GAB4: variants seen among roughly 807,000 people sequenced by gnomAD.
GAB4 encodes the protein GRB2-associated-binding protein 4.
Under a neutral mutation model 51.3 loss-of-function variants are expected in GAB4, and 26 were observed. That is an observed-to-expected ratio of 0.51 (90% CI 0.37 to 0.70). The LOEUF (loss-of-function observed/expected upper bound fraction) is 0.70, where lower values mean the gene tolerates loss of function less well. Among genes scored for constraint, GAB4 ranks in the 30% least tolerant of loss-of-function variants. GAB4 has a pLI of 0.00. For missense variants in GAB4, 759 were observed against 734.6 expected, an observed-to-expected ratio of 1.03 and a Z score of -0.38; for synonymous variants, 329 against 291.2, an observed-to-expected ratio of 1.13 and a Z score of -1.32.
chr22:17,000,967 T>C (rs1433202246), intron 1 of GAB4, among the ~76,000 whole-genome samples: 1 of 152,188 alleles, frequency 6.6e-6, no homozygotes, highest in Admixed American at 6.5e-5. Context: ...AATATTGGCC[T>C]CCACTCTCTT....
chr22:16,980,892 C>A (rs912422813), intron 3 of GAB4, among the ~76,000 whole-genome samples: 1 of 152,086 alleles, frequency 6.6e-6, no homozygotes, highest in African/African-American at 2.4e-5. Context: ...TCATTGTCAG[C>A]AAACTTACCC....
At chr22:17,007,498 T>C (rs918263204) in intron 1 of GAB4, among the ~76,000 whole-genome samples, 2 of 147,158 alleles carry the variant, frequency 1.4e-5, no homozygotes, top group African/African-American at 2.5e-5. Context: ...GGTGCCTGCC[T>C]TCTCGGGGCT....
At chr22:16,990,301 C>G (rs2060903557) in intron 2 of GAB4, among the ~76,000 whole-genome samples, 2 of 152,312 alleles carry the variant, frequency 1.3e-5, no homozygotes, top group South Asian at 4.1e-4. Context: ...TCTCATCACC[C>G]CATACATTCA....
intron 1 of GAB4, among the ~76,000 whole-genome samples, chr22:16,993,219 G>A (rs986108791): frequency 2.0e-5 from 3 of 152,170 alleles, no homozygotes; most frequent in Admixed American, 2.0e-4. Flanking sequence ...AACTGTGGAT[G>A]AGTCTATGCT....
chr22:17,002,565 A>G (rs1364477308), intron 1 of GAB4, among the ~76,000 whole-genome samples: 1 of 152,120 alleles, frequency 6.6e-6, no homozygotes, highest in Non-Finnish European at 1.5e-5. Flanking sequence ...TCATAATGAC[A>G]GGATCAAATT....
chr22:17,008,039 G>C lies in GAB4; in HGVS notation c.76C>G (p.Pro26Ala). ...DPAFAPLSSW[P>A]GSGPAGGSTR... ...CTTCCGCCGGCGGGGCCACTTCCGG[G>C]CCACGAAGACAAAGGCGCAAATGCC... The change falls in exon 1 of 10, where the codon CCC (proline) becomes GCC (alanine). Residue 26 changes from proline (P) to alanine (A), a missense_variant. Transcript: ENST00000400588. 1.2e-6 allele frequency: 2 copies of C among 1,608,872 alleles called. No homozygotes were observed. The highest frequency in any genetic ancestry group is 2.2e-5 in the South Asian group (2 of 89,948).
chr22:16,993,206 G>A (rs1222329413), intron 1 of GAB4, among the ~76,000 whole-genome samples: 1 of 152,196 alleles, frequency 6.6e-6, no homozygotes, highest in Non-Finnish European at 1.5e-5. Context: ...ACCCATGGTA[G>A]AGAACTGTGG....
In GAB4 at chr22:16,969,655, G is replaced by A. The variant is rs112931179; in HGVS notation, c.937+288C>T. On this transcript the variant is annotated intron_variant, in intron 4 of 9. Coordinates refer to ENST00000400588, the MANE Select transcript of GAB4 (RefSeq NM_001037814.1). The stretch of plus-strand genomic sequence containing the variant: ...TTGTCTACTGCAGGAAGGGTATTCC[G>A]CCTGGGGATGGCAGCAGCAACAGAC... 2,536 of 645,204 alleles carry A rather than the reference G, an allele frequency of 3.9e-3. 57 individuals are homozygous for A. The highest frequency in any genetic ancestry group is 0.038 in the African/African-American group (2,127 of 55,592). 40.0% of individuals were successfully genotyped at this position (645,204 alleles called of 1,614,324 possible).
intron 2 of GAB4, among the ~76,000 whole-genome samples, chr22:16,989,688 C>T (rs1271526372): frequency 2.0e-5 from 3 of 152,186 alleles, no homozygotes; most frequent in Non-Finnish European, 4.4e-5. Context: ...AGCCACGGCA[C>T]CAAGGATGAA....
intron 3 of GAB4, among the ~76,000 whole-genome samples, chr22:16,974,194 C>T (rs1024420692): frequency 1.3e-5 from 2 of 152,188 alleles, no homozygotes; most frequent in African/African-American, 2.4e-5. Flanking sequence ...ACTATGATGT[C>T]CTGCATTGCT....
chr22:16,970,319 TG>T, intron 3 of GAB4, 126 bp from the exon 4 acceptor site: 1 of 1,033,148 alleles, frequency 9.7e-7, no homozygotes, highest in South Asian at 1.6e-5. Flanking sequence ...GAAGAGGAAT[TG>T]GGCAGACCTG....
intron 1 of GAB4, among the ~76,000 whole-genome samples, chr22:16,998,273 A>T (rs567784007): frequency 6.6e-6 from 1 of 152,306 alleles, no homozygotes; most frequent in South Asian, 2.1e-4. Context: ...CTTCCTACCC[A>T]TGAGCATGGA....
At chr22:16,984,868 T>C (rs1176628910) in intron 3 of GAB4, among the ~76,000 whole-genome samples, 1 of 152,198 alleles carries the variant, frequency 6.6e-6, no homozygotes, top group Non-Finnish European at 1.5e-5. Flanking sequence ...TCTTTCCTGG[T>C]TCCTCTACCT....
At chr22:16,985,862 G>T (rs1358840567) in intron 3 of GAB4, among the ~76,000 whole-genome samples, 1 of 152,212 alleles carries the variant, frequency 6.6e-6, no homozygotes, top group Non-Finnish European at 1.5e-5. Flanking sequence ...GCCCTGCCTT[G>T]TGTCCTCAGA....
At chr22:16,983,316 C>T (rs972254795) in intron 3 of GAB4, among the ~76,000 whole-genome samples, 3 of 152,150 alleles carry the variant, frequency 2.0e-5, no homozygotes, top group African/African-American at 4.8e-5. Flanking sequence ...TTTCTCATTC[C>T]TTTCACTCCA....
intron 1 of GAB4, among the ~76,000 whole-genome samples, chr22:17,005,521 C>CA (rs1357200577): frequency 6.6e-6 from 1 of 152,064 alleles, no homozygotes; most frequent in Non-Finnish European, 1.5e-5. Context: ...CACATGTAAC[C>CA]AAAAAAGAGC....
At chr22:16,984,311 G>A (rs951737553) in intron 3 of GAB4, among the ~76,000 whole-genome samples, 1 of 152,188 alleles carries the variant, frequency 6.6e-6, no homozygotes, top group African/African-American at 2.4e-5. Flanking sequence ...ATGCTGATAA[G>A]GGCATGGAGA....
chr22:16,984,187 C>A (rs1179594486), intron 3 of GAB4, among the ~76,000 whole-genome samples: 1 of 152,080 alleles, frequency 6.6e-6, no homozygotes, highest in Non-Finnish European at 1.5e-5. Flanking sequence ...AAATGGCCAA[C>A]AGGTAAATGA....
At chr22:16,983,898 C>T (rs1189945583) in intron 3 of GAB4, among the ~76,000 whole-genome samples, 1 of 152,088 alleles carries the variant, frequency 6.6e-6, no homozygotes, top group East Asian at 1.9e-4. Flanking sequence ...TCTAGCCATA[C>T]GTTCTTGAAT....
Sources: allele counts gnomAD v4.1 joint callset (sites outside exome capture counted in the v4.1 genomes callset), GRCh38; gene constraint gnomAD v4.1.1; transcripts MANE v1.5; gene names NCBI Gene and HGNC (gene_info 2026-07-23, HGNC 2026-07-21).